Variants in GPBP1 observed in about 807,000 individuals in gnomAD.
The protein encoded by GPBP1 is GC-rich promoter binding protein 1.
Under a neutral mutation model 56.5 loss-of-function variants are expected in GPBP1, and 13 were observed. The observed-to-expected ratio is 0.23, with a 90% CI of 0.15 to 0.37. GPBP1 has a LOEUF of 0.37. GPBP1 is among the 10% of genes least tolerant of loss of function. The pLI is 1.00. For synonymous variants in GPBP1, 204 were observed against 188.9 expected, an observed-to-expected ratio of 1.08 and a Z score of -0.66; for missense variants, 477 against 572.3, an observed-to-expected ratio of 0.83 and a Z score of 1.70.
chr5:57,194,861 A>G (rs1271517784), intron 2 of GPBP1, among the ~76,000 whole-genome samples: 2 of 152,224 alleles, frequency 1.3e-5, no homozygotes, highest in African/African-American at 2.4e-5. Flanking sequence ...ATAATATTCC[A>G]TAGCCATATA....
intron 2 of GPBP1, among the ~76,000 whole-genome samples, chr5:57,211,735 C>T (rs974829302): frequency 6.6e-6 from 1 of 151,876 alleles, no homozygotes; most frequent in Non-Finnish European, 1.5e-5. Context: ...AGGCATGCAC[C>T]ACCACGCCCG....
chr5:57,232,049 G>A (rs1038395343), intron 5 of GPBP1, among the ~76,000 whole-genome samples: 2 of 152,038 alleles, frequency 1.3e-5, no homozygotes, highest in African/African-American at 4.8e-5. Context: ...ATTGAGACAG[G>A]GTCTCACTCT....
Position 57,261,227 on chromosome 5 carries a change from CAT to C in GPBP1, c.1209_1210del (p.Ala405SerfsTer4). 2 of 1,613,140 alleles carry C rather than the reference CAT, an allele frequency of 1.2e-6. No individual in the cohort carries two copies. The highest frequency in any genetic ancestry group is 1.7e-6 in the Non-Finnish European group (2 of 1,179,210). ...CAGGAAGACAGTGAAAATGATGAAACATGTGCTCCCTTAACTGAGGATGAAAT... is the reference window on the plus strand; with the variant it reads ...CAGGAAGACAGTGAAAATGATGAAACGTGCTCCCTTAACTGAGGATGAAAT... On this transcript the variant is annotated frameshift_variant, in exon 11 of 12. Transcript: ENST00000506184. LOFTEE classifies it high-confidence loss of function.
intron 2 of GPBP1, among the ~76,000 whole-genome samples, chr5:57,186,487 T>C (rs1754292536): frequency 6.6e-6 from 1 of 152,152 alleles, no homozygotes; most frequent in Non-Finnish European, 1.5e-5. Context: ...TCCTGTCTTG[T>C]AGAAGTTGTG....
chr5:57,177,681 T>A (rs1232237406), intron 2 of GPBP1, among the ~76,000 whole-genome samples: 1 of 124,484 alleles, frequency 8.0e-6, no homozygotes, highest in Non-Finnish European at 1.6e-5. Flanking sequence ...TTTTTTTTAG[T>A]AGAGACCTGG....
intron 3 of GPBP1, among the ~76,000 whole-genome samples, chr5:57,216,265 A>AC (rs1755694338): frequency 6.6e-6 from 1 of 151,888 alleles, no homozygotes; most frequent in Non-Finnish European, 1.5e-5. Context: ...AGTAAGGTGT[A>AC]CCCCCCTTGT....
chr5:57,222,137 C>T (rs1755981490), intron 3 of GPBP1, among the ~76,000 whole-genome samples: 1 of 152,020 alleles, frequency 6.6e-6, no homozygotes, highest in Non-Finnish European at 1.5e-5. Flanking sequence ...GACACTGTAC[C>T]TGGCCTTAAA....
chr5:57,243,153 C>T (rs1350686669), intron 6 of GPBP1, among the ~76,000 whole-genome samples: 7 of 151,386 alleles, frequency 4.6e-5, no homozygotes, highest in Non-Finnish European at 7.4e-5. Context: ...CTGCAACCTC[C>T]ACCTCCCGGG....
intron 2 of GPBP1, among the ~76,000 whole-genome samples, chr5:57,196,323 C>T (rs1338975857): frequency 2.7e-5 from 4 of 149,638 alleles, no homozygotes; most frequent in Admixed American, 6.7e-5. Context: ...AGACTTCTTT[C>T]GACTGTTCTT....
intron 2 of GPBP1, among the ~76,000 whole-genome samples, chr5:57,206,701 A>AGG (rs34366191): frequency 3.9e-5 from 6 of 152,036 alleles, no homozygotes; most frequent in Non-Finnish European, 8.8e-5. Flanking sequence ...TGGTTTGGGT[A>AGG]GGGGGGTCCA....
intron 6 of GPBP1, among the ~76,000 whole-genome samples, chr5:57,244,726 G>GA (rs1741001492): frequency 7.9e-6 from 1 of 127,336 alleles, no homozygotes; most frequent in Admixed American, 7.7e-5. Context: ...CTTTGTTTGA[G>GA]ATTTTTTTTT....
intron 10 of GPBP1, among the ~76,000 whole-genome samples, chr5:57,260,177 G>A (rs768755747): frequency 1.3e-5 from 2 of 152,136 alleles, no homozygotes; most frequent in South Asian, 2.1e-4. Context: ...GAGATGTCTT[G>A]TCTGTGGTAT....
chr5:57,183,322 A>G (rs1411027820), intron 2 of GPBP1, among the ~76,000 whole-genome samples: 2 of 152,138 alleles, frequency 1.3e-5, no homozygotes, highest in Admixed American at 6.5e-5. Context: ...AGCCGAGATC[A>G]TGCCATTGCA....
At position 57,231,137 on chromosome 5, in the gene GPBP1, A is replaced by T. The variant is rs750292716; in HGVS notation, c.227A>T (p.His76Leu). 6.8e-6 allele frequency: 11 copies of T among 1,614,050 alleles called. No individual in the cohort carries two copies. The highest frequency in any genetic ancestry group is 9.3e-6 in the Non-Finnish European group (11 of 1,180,022). ...GRKEKNGWRT[H>L]GRNGTENINH... ...AAAGAAAAAAATGGATGGCGTACAC[A>T]TGGAAGAAATGGTACAGAAAACATA... Residue 76 changes from histidine (H) to leucine (L), a missense_variant, in exon 5 of 12, where the codon CAT (histidine) becomes CTT (leucine). By Grantham distance (99) the His-to-Leu change is moderately conservative. Coordinates refer to ENST00000506184, the MANE Select transcript of GPBP1 (RefSeq NM_022913.4).
chr5:57,221,362 T>C lies in GPBP1; in HGVS notation c.63+7169T>C, dbSNP rs751930201. On this transcript the variant is annotated intron_variant, in intron 3 of 11. Transcript: ENST00000506184. ...ATAATGCCAATTGTGACTGATCTTA[T>C]CATTTGTTAATAGGTCCTGACCAGC... 43 of 1,525,606 alleles carry C rather than the reference T, an allele frequency of 2.8e-5. No homozygotes were observed. In the South Asian group the frequency reaches 3.0e-4, roughly 11 times the overall value. The allele number at this position is 1,525,606 out of a possible 1,614,324, so 94.5% of individuals were successfully genotyped here.
At chr5:57,261,851 A>G (rs564017665) in intron 11 of GPBP1, among the ~76,000 whole-genome samples, 2 of 152,298 alleles carry the variant, frequency 1.3e-5, no homozygotes, top group African/African-American at 4.8e-5. Flanking sequence ...TTGTTAGAGC[A>G]TCAGGAAGTT....
chr5:57,245,178 G>A (rs73129904), intron 6 of GPBP1, among the ~76,000 whole-genome samples: 4,825 of 152,162 alleles, frequency 0.032, 264 homozygotes, highest in African/African-American at 0.11. Flanking sequence ...TTTTTAGACC[G>A]TCAGGAAGTT....
intron 3 of GPBP1, among the ~76,000 whole-genome samples, chr5:57,216,825 CCTT>C (rs2111777511): frequency 6.6e-6 from 1 of 151,882 alleles, no homozygotes; most frequent in South Asian, 2.1e-4. Context: ...TTTACTTTCT[CCTT>C]ATGAACATTT....
At chr5:57,210,649 T>C (rs1035841694) in intron 2 of GPBP1, among the ~76,000 whole-genome samples, 2 of 152,212 alleles carry the variant, frequency 1.3e-5, no homozygotes, top group African/African-American at 4.8e-5. Context: ...AAGTTGTTTG[T>C]AGTTTACTAG....
Sources: gnomAD v4.1 joint callset for allele counts (sites outside exome capture counted in the v4.1 genomes callset) on GRCh38, gnomAD v4.1.1 for gene constraint, MANE v1.5 for transcripts, NCBI Gene and HGNC (gene_info 2026-07-23, HGNC 2026-07-21) for gene names.